FARS2: variants seen among roughly 807,000 people sequenced by gnomAD.
The protein encoded by FARS2 is phenylalanine--tRNA ligase, mitochondrial.
FARS2 carries 40 observed loss-of-function variants against 46.4 expected under a neutral mutation model. The observed-to-expected ratio is 0.86, with a 90% CI of 0.67 to 1.12. FARS2 has a LOEUF of 1.12. Among genes scored for constraint, FARS2 ranks in the 50% most tolerant of loss-of-function variants. The pLI is 0.00. For synonymous variants in FARS2, 234 were observed against 214.9 expected, an observed-to-expected ratio of 1.09 and a Z score of -0.78; for missense variants, 513 against 567.9, an observed-to-expected ratio of 0.90 and a Z score of 0.98.
intron 6 of FARS2, among the ~76,000 whole-genome samples, chr6:5,717,685 T>G (rs961688456): frequency 6.6e-6 from 1 of 152,042 alleles, no homozygotes; most frequent in African/African-American, 2.4e-5. Context: ...ATCAATAGAT[T>G]CAGGTGTTGT....
At chr6:5,385,185 A>G (rs1450262850) in intron 2 of FARS2, among the ~76,000 whole-genome samples, 2 of 152,210 alleles carry the variant, frequency 1.3e-5, no homozygotes, top group African/African-American at 4.8e-5. Flanking sequence ...CTTAGGGCCC[A>G]GTTGGTTAAA....
chr6:5,752,130 GA>G, intron 6 of FARS2, among the ~76,000 whole-genome samples: 1 of 152,232 alleles, frequency 6.6e-6, no homozygotes, highest in South Asian at 2.1e-4. Context: ...CCTCTTCCAG[GA>G]AGATGTCATA....
intron 1 of FARS2, among the ~76,000 whole-genome samples, chr6:5,309,775 A>G (rs962673500): frequency 2.6e-5 from 4 of 152,226 alleles, no homozygotes; most frequent in African/African-American, 7.2e-5. Context: ...AATTAATCCA[A>G]TAATCAATGA....
intron 6 of FARS2, among the ~76,000 whole-genome samples, chr6:5,746,541 G>A (rs1761652496): frequency 6.6e-6 from 1 of 151,936 alleles, no homozygotes; most frequent in African/African-American, 2.4e-5. Flanking sequence ...TTTGCAAGCA[G>A]CATCTCCTTG....
chr6:5,504,437 TAAAA>T (rs143444280), intron 4 of FARS2, among the ~76,000 whole-genome samples: 52 of 126,424 alleles, frequency 4.1e-4, no homozygotes, highest in Non-Finnish European at 4.8e-4. Flanking sequence ...TGCTTTCCAG[TAAAA>T]AAAAAAAAAA....
chr6:5,319,507 A>G (rs935489836), intron 1 of FARS2, among the ~76,000 whole-genome samples: 1 of 152,336 alleles, frequency 6.6e-6, no homozygotes, highest in East Asian at 1.9e-4. Flanking sequence ...AGAAATGCCA[A>G]CTTTGGACCA....
intron 6 of FARS2, among the ~76,000 whole-genome samples, chr6:5,740,363 T>G (rs1205134065): frequency 6.6e-6 from 1 of 152,184 alleles, no homozygotes; most frequent in Non-Finnish European, 1.5e-5. Flanking sequence ...CCTTGATGGT[T>G]TTTTGAAATA....
intron 5 of FARS2, among the ~76,000 whole-genome samples, chr6:5,591,391 A>T (rs572989860): frequency 1.3e-5 from 2 of 152,236 alleles, no homozygotes; most frequent in African/African-American, 4.8e-5. Context: ...CGCAACTTAC[A>T]TCAGCTTCTC....
In FARS2 at chr6:5,563,129, C is replaced by T. The variant is rs75154256; in HGVS notation, c.1065+17789C>T. On this transcript the variant is annotated intron_variant, in intron 5 of 6. Transcript: ENST00000274680. Reference sequence around the variant, plus strand: ...CAAAAGAGGAGGTCCCCACCTGCCACGTATACCAGCCAGGTATATATGCAG... The same window carrying T: ...CAAAAGAGGAGGTCCCCACCTGCCATGTATACCAGCCAGGTATATATGCAG... Among the ~76,000 whole-genome samples, 309 of 152,174 alleles carry T rather than the reference C, an allele frequency of 2.0e-3. 5 individuals are homozygous for T. In the East Asian group the frequency reaches 0.046, roughly 23 times the overall value.
At chr6:5,341,896 T>C (rs1771685496) in intron 1 of FARS2, among the ~76,000 whole-genome samples, 1 of 152,208 alleles carries the variant, frequency 6.6e-6, no homozygotes, top group South Asian at 2.1e-4. Flanking sequence ...AAAAAATAAT[T>C]TCCAGTTCTT....
chr6:5,405,480 C>CTTTGTTTTTTTT (rs1761519320), intron 3 of FARS2, among the ~76,000 whole-genome samples: 1 of 58,946 alleles, frequency 1.7e-5, no homozygotes, highest in African/African-American at 6.5e-5. Context: ...GAGCAAGGTT[C>CTTTGTTTTTTTT]TTTTTTTTTT....
intron 6 of FARS2, among the ~76,000 whole-genome samples, chr6:5,691,271 T>C (rs1757694672): frequency 6.6e-6 from 1 of 152,236 alleles, no homozygotes; most frequent in African/African-American, 2.4e-5. Flanking sequence ...TGCTCTGATT[T>C]TTAGAGTTTC....
chr6:5,311,654 G>A lies in FARS2; in HGVS notation c.-22+49994G>A, dbSNP rs900918542. Among the ~76,000 whole-genome samples the A allele has an allele frequency of 1.3e-5, 2 of 152,110 alleles. No homozygotes were observed. Among genetic ancestry groups the A allele is most frequent in the African/African-American group, 2.4e-5 (1 of 41,432 alleles). ...CTGTTTTCTTTAGATATATGAAGCC[G>A]TCTTAAGATTGAGAGTTTCTCAGTT... On this transcript the variant is annotated intron_variant, in intron 1 of 6. Transcript: ENST00000274680. This position sits in a 1 kb window ranked among gnomAD's most constrained non-coding sequence, Gnocchi z 4.1.
chr6:5,641,904 C>G lies in FARS2; in HGVS notation c.1217+28584C>G, dbSNP rs1454361178. Among the ~76,000 whole-genome samples, 4 of 152,268 alleles carry G rather than the reference C, an allele frequency of 2.6e-5. No homozygotes were observed. The East Asian group carries it at 7.7e-4, about 29-fold the overall frequency. The stretch of plus-strand genomic sequence containing the variant: ...GTCATCATCCTTGGTGGTCACCGTA[C>G]CTACATGTAGGTCCATCGGAAAGCT... On this transcript the variant is annotated intron_variant, in intron 6 of 6. Transcript: ENST00000274680.
chr6:5,621,672 C>T (rs908172855), intron 6 of FARS2, among the ~76,000 whole-genome samples: 1 of 152,210 alleles, frequency 6.6e-6, no homozygotes, highest in Non-Finnish European at 1.5e-5. Context: ...ATGGGATGTA[C>T]ACAGTCCCAA....
chr6:5,275,885 A>G (rs558383277), intron 1 of FARS2, among the ~76,000 whole-genome samples: 11 of 152,134 alleles, frequency 7.2e-5, no homozygotes, highest in Non-Finnish European at 1.5e-4. Context: ...GTTACGATAT[A>G]TTCTCCCAGA....
At chr6:5,481,088 A>T (rs968936290) in intron 4 of FARS2, among the ~76,000 whole-genome samples, 1 of 152,238 alleles carries the variant, frequency 6.6e-6, no homozygotes, top group Non-Finnish European at 1.5e-5. Flanking sequence ...TGAGTCCTTT[A>T]TGCACGTCTT....
chr6:5,754,780 G>T (rs1191410004), intron 6 of FARS2, among the ~76,000 whole-genome samples: 1 of 152,182 alleles, frequency 6.6e-6, no homozygotes. Context: ...TTTCTTTGTT[G>T]TTGCTTTGTA....
chr6:5,519,608 A>C (rs1056652777), intron 4 of FARS2, among the ~76,000 whole-genome samples: 2 of 152,220 alleles, frequency 1.3e-5, no homozygotes, highest in African/African-American at 2.4e-5. Flanking sequence ...AACAAGGCCA[A>C]CGAAGAAGAT....
Sources: gnomAD v4.1 joint callset for allele counts (sites outside exome capture counted in the v4.1 genomes callset) on GRCh38, gnomAD v4.1.1 for gene constraint, Gnocchi (gnomAD v3.1) non-coding constraint, MANE v1.5 for transcripts, NCBI Gene and HGNC (gene_info 2026-07-23, HGNC 2026-07-21) for gene names.